PREX2: variants seen among roughly 807,000 people sequenced by gnomAD.
PREX2 encodes phosphatidylinositol-3,4,5-trisphosphate dependent Rac exchange factor 2, also known as phosphatidylinositol 3,4,5-trisphosphate-dependent Rac exchanger 2 protein.
In PREX2, 107 loss-of-function variants were observed where a neutral mutation model predicts 203.2. The observed-to-expected ratio is 0.53, with a 90% CI of 0.45 to 0.62. The LOEUF (loss-of-function observed/expected upper bound fraction) is 0.62. PREX2 is among the 20% of genes least tolerant of loss of function. The probability of loss-of-function intolerance (pLI) is 0.00; values close to 1 mark genes in which losing one functional copy is unlikely to be tolerated. For missense variants in PREX2, 1,777 were observed against 1,955.9 expected, an observed-to-expected ratio of 0.91 and a Z score of 1.72; for synonymous variants, 672 against 663.6, an observed-to-expected ratio of 1.01 and a Z score of -0.19.
At chr8:68,188,274 T>C (rs1812229108) in intron 35 of PREX2, among the ~76,000 whole-genome samples, 1 of 152,080 alleles carries the variant, frequency 6.6e-6, no homozygotes, top group African/African-American at 2.4e-5. Flanking sequence ...TTTAAGAGGA[T>C]GATGAGAGAG....
chr8:68,187,101 G>A (rs1314896405), intron 35 of PREX2, among the ~76,000 whole-genome samples: 3 of 149,796 alleles, frequency 2.0e-5, no homozygotes, highest in Admixed American at 6.6e-5. Context: ...TGTTTCTGTA[G>A]CAATGCTTCC....
chr8:67,993,852 A>G (rs1806683024), intron 1 of PREX2, among the ~76,000 whole-genome samples: 1 of 152,204 alleles, frequency 6.6e-6, no homozygotes, highest in Non-Finnish European at 1.5e-5. Flanking sequence ...GGAAAAAAAT[A>G]TATGAGCCAA....
chr8:67,986,423 C>T (rs1806427674), intron 1 of PREX2, among the ~76,000 whole-genome samples: 1 of 152,198 alleles, frequency 6.6e-6, no homozygotes. Context: ...TAGGGCTGCT[C>T]CATCCATGCA....
intron 23 of PREX2, chr8:68,103,450 G>A: frequency 2.1e-6 from 1 of 487,282 alleles, no homozygotes. Context: ...AAAACCTGAA[G>A]TTGCATCTTC....
chr8:68,149,624 C>G (rs1262658835), intron 34 of PREX2, among the ~76,000 whole-genome samples: 1 of 151,850 alleles, frequency 6.6e-6, no homozygotes. Context: ...AGGGCCACTT[C>G]TCTACACGCT....
intron 14 of PREX2, among the ~76,000 whole-genome samples, chr8:68,073,766 T>C (rs149554177): frequency 1.0e-3 from 155 of 152,308 alleles, no homozygotes; most frequent in African/African-American, 3.4e-3. Flanking sequence ...ATAGAAATTA[T>C]ACAGTTCTAG....
chr8:68,022,210 C>T, intron 4 of PREX2, 70 bp downstream of exon 4: 2 of 788,836 alleles, frequency 2.5e-6, no homozygotes, highest in African/African-American at 1.7e-5. Context: ...CAAGGAATAG[C>T]ATCAATATGG....
intron 10 of PREX2, 96 bp downstream of exon 10, chr8:68,056,070 C>A: frequency 7.7e-7 from 1 of 1,294,390 alleles, no homozygotes. Context: ...AAAATATTCC[C>A]TTAGGCACTT....
chr8:67,964,078 G>A (rs972922650), intron 1 of PREX2, among the ~76,000 whole-genome samples: 4 of 152,094 alleles, frequency 2.6e-5, no homozygotes, highest in African/African-American at 9.7e-5. Flanking sequence ...GAGAAGGTGG[G>A]GGAACCAGTA....
chr8:68,209,974 T>C (rs1812713552), intron 37 of PREX2, among the ~76,000 whole-genome samples: 1 of 152,114 alleles, frequency 6.6e-6, no homozygotes, highest in Non-Finnish European at 1.5e-5. Flanking sequence ...CAAAACAAGA[T>C]CATATTTATC....
At chr8:68,015,821 A>T (rs1349924125) in intron 1 of PREX2, among the ~76,000 whole-genome samples, 3 of 152,196 alleles carry the variant, frequency 2.0e-5, no homozygotes, top group Non-Finnish European at 4.4e-5. Flanking sequence ...AGTACTTAAA[A>T]AGTTAGAAAA....
At chr8:68,107,826 A>G (rs1810448668) in intron 23 of PREX2, among the ~76,000 whole-genome samples, 1 of 152,196 alleles carries the variant, frequency 6.6e-6, no homozygotes, top group Non-Finnish European at 1.5e-5. Context: ...GAGTCCAAGT[A>G]TATTGTGCTG....
chr8:68,007,540 T>C (rs1807130156), intron 1 of PREX2, among the ~76,000 whole-genome samples: 1 of 136,598 alleles, frequency 7.3e-6, no homozygotes, highest in African/African-American at 3.3e-5. Flanking sequence ...TGAAGAAGTA[T>C]ATTTGGTTAT....
chr8:68,048,405 GT>G (rs775010746), intron 8 of PREX2, among the ~76,000 whole-genome samples: 2 of 152,000 alleles, frequency 1.3e-5, no homozygotes, highest in Non-Finnish European at 2.9e-5. Flanking sequence ...TTTAGAAAAT[GT>G]GGTCTGTAGT....
intron 9 of PREX2, among the ~76,000 whole-genome samples, chr8:68,054,813 T>G (rs1808627291): frequency 6.6e-6 from 1 of 152,214 alleles, no homozygotes; most frequent in African/African-American, 2.4e-5. Flanking sequence ...CTAGGCATAC[T>G]TGGTGCCCAC....
intron 1 of PREX2, among the ~76,000 whole-genome samples, chr8:68,010,040 C>T (rs980763220): frequency 6.6e-6 from 1 of 152,176 alleles, no homozygotes; most frequent in Non-Finnish European, 1.5e-5. Flanking sequence ...ACCTCGTGCT[C>T]TAAGTTGTTT....
At chr8:68,098,274 ATTG>A (rs1417726606) in intron 22 of PREX2, among the ~76,000 whole-genome samples, 2 of 152,190 alleles carry the variant, frequency 1.3e-5, no homozygotes, top group African/African-American at 2.4e-5. Context: ...CTCTGTTTGA[ATTG>A]TTGTTTAAAA....
intron 37 of PREX2, among the ~76,000 whole-genome samples, chr8:68,211,037 G>C (rs1812732725): frequency 6.6e-6 from 1 of 152,194 alleles, no homozygotes. Context: ...GAGGGGACGA[G>C]AGACACACCT....
At chr8:68,064,361 A>T (rs998230986) in intron 11 of PREX2, among the ~76,000 whole-genome samples, 1 of 152,002 alleles carries the variant, frequency 6.6e-6, no homozygotes. Context: ...AAAGGGTAAA[A>T]CACTCTTTTG....
Sources: allele counts gnomAD v4.1 joint callset (sites outside exome capture counted in the v4.1 genomes callset), GRCh38; gene constraint gnomAD v4.1.1; transcripts MANE v1.5; gene names NCBI Gene and HGNC (gene_info 2026-07-23, HGNC 2026-07-21).